The following EZH2 variants were observed in gnomAD, a reference collection of about 807,000 sequenced individuals.
EZH2 encodes the protein enhancer of zeste 2 polycomb repressive complex 2 subunit, also known as histone-lysine N-methyltransferase EZH2.
Under a neutral mutation model 98.4 loss-of-function variants are expected in EZH2, and 18 were observed. That is an observed-to-expected ratio of 0.18 (90% CI 0.13 to 0.27). EZH2 has a LOEUF of 0.27. Among genes scored for constraint, EZH2 ranks in the 10% least tolerant of loss-of-function variants. EZH2 has a pLI of 1.00. For missense variants in EZH2, 470 were observed against 935.1 expected (o/e 0.50, Z 6.49); for synonymous variants, 338 against 312.3 (o/e 1.08, Z -0.87).
At chr7:148,840,296 G>C (rs886519687) in intron 3 of EZH2, among the ~76,000 whole-genome samples, 3 of 152,108 alleles carry the variant, frequency 2.0e-5, no homozygotes, top group Non-Finnish European at 4.4e-5. Context: ...ATCAAGAATG[G>C]GGCAATAAAT....
At chr7:148,880,079 A>G (rs1475704841) in intron 1 of EZH2, among the ~76,000 whole-genome samples, 1 of 152,244 alleles carries the variant, frequency 6.6e-6, no homozygotes, top group African/African-American at 2.4e-5. Flanking sequence ...CTGTCTTGCT[A>G]TTGTTAATGG....
At chr7:148,810,852 C>T (rs1379734932) in intron 16 of EZH2, among the ~76,000 whole-genome samples, 7 of 145,274 alleles carry the variant, frequency 4.8e-5, no homozygotes, top group African/African-American at 1.6e-4. Context: ...GCCAAAATCA[C>T]GCCATTGCAC....
chr7:148,843,207 T>C (rs1812933575), intron 3 of EZH2, among the ~76,000 whole-genome samples: 2 of 110,984 alleles, frequency 1.8e-5, no homozygotes, highest in South Asian at 5.5e-4. Context: ...AAACTCCGTC[T>C]CAAAAAAAAA....
chr7:148,815,578 T>A (rs775909573), intron 12 of EZH2, 32 bp from the exon 13 acceptor site: 2 of 1,607,250 alleles, frequency 1.2e-6, no homozygotes, highest in South Asian at 2.2e-5. Context: ...TAAACCAAAT[T>A]TCTGCGGGAA....
At chr7:148,862,872 C>T (rs956194301) in intron 1 of EZH2, among the ~76,000 whole-genome samples, 6 of 151,956 alleles carry the variant, frequency 3.9e-5, no homozygotes, top group East Asian at 1.9e-4. Flanking sequence ...GCTTTTGCAC[C>T]GTGGGTACAA....
chr7:148,826,349 G>C (rs1203394182), intron 8 of EZH2, 105 bp downstream of exon 8: 2 of 871,476 alleles, frequency 2.3e-6, no homozygotes, highest in Non-Finnish European at 3.1e-6. Context: ...ATTTGTCAAA[G>C]TAACTACAAG....
At position 148,862,456 on chromosome 7, in the gene EZH2, A is replaced by G. The variant is rs35807593; in HGVS notation, c.-7-15151T>C. On this transcript the variant is annotated intron_variant, in intron 1 of 19. Transcript: ENST00000320356. ...TTCCAAAAATTTTAATTTTTGCTTG[A>G]AAGCCCAAATGTTCTCTCTGCCAAC... is the stretch of plus-strand genomic sequence containing the variant. Among the ~76,000 whole-genome samples the G allele has an allele frequency of 7.2e-3, 1,097 of 152,334 alleles. 10 individuals carry two copies. The highest frequency in any genetic ancestry group is 0.01 in the Non-Finnish European group (691 of 68,022).
intron 19 of EZH2, among the ~76,000 whole-genome samples, chr7:148,808,291 G>C (rs943849715): frequency 3.3e-5 from 5 of 152,188 alleles, no homozygotes; most frequent in African/African-American, 1.2e-4. Flanking sequence ...TGCTAAAGTG[G>C]GCCCTTCACT....
chr7:148,873,912 A>G (rs1819825070), intron 1 of EZH2, among the ~76,000 whole-genome samples: 1 of 152,220 alleles, frequency 6.6e-6, no homozygotes, highest in East Asian at 1.9e-4. Context: ...GCAGGAAAGA[A>G]GCTGCTTAAC....
At chr7:148,829,666 T>C in intron 5 of EZH2, 62 bp downstream of exon 5, 1 of 1,574,162 alleles carries the variant, frequency 6.4e-7, no homozygotes. Context: ...ATATGCTTCA[T>C]AAACAAAAGT....
chr7:148,837,703 C>G (rs1811257781), intron 3 of EZH2, among the ~76,000 whole-genome samples: 1 of 152,176 alleles, frequency 6.6e-6, no homozygotes, highest in Admixed American at 6.5e-5. Flanking sequence ...GAAGACGACA[C>G]TTGAAAAGAA....
chr7:148,810,804 G>A (rs1216045884), intron 16 of EZH2, among the ~76,000 whole-genome samples: 12 of 150,878 alleles, frequency 8.0e-5, no homozygotes, highest in African/African-American at 2.4e-4. Context: ...ACTGAGGCAG[G>A]AGAATCGCTT....
At chr7:148,868,401 G>T (rs1053143282) in intron 1 of EZH2, among the ~76,000 whole-genome samples, 2 of 152,182 alleles carry the variant, frequency 1.3e-5, no homozygotes, top group Admixed American at 1.3e-4. Context: ...GATGCAGGGG[G>T]AAGAGAGAGC....
At chr7:148,862,863 C>G (rs1250098363) in intron 1 of EZH2, among the ~76,000 whole-genome samples, 1 of 152,050 alleles carries the variant, frequency 6.6e-6, no homozygotes, top group Non-Finnish European at 1.5e-5. Context: ...TTATTCATTG[C>G]TTTTGCACCG....
intron 19 of EZH2, among the ~76,000 whole-genome samples, chr7:148,808,696 T>G (rs734002): frequency 6.6e-6 from 1 of 151,972 alleles, no homozygotes; most frequent in Non-Finnish European, 1.5e-5. Flanking sequence ...GCATAGTATA[T>G]TGTCAAGTAA....
chr7:148,858,600 C>G (rs926473880), intron 1 of EZH2, among the ~76,000 whole-genome samples: 1 of 152,178 alleles, frequency 6.6e-6, no homozygotes, highest in African/African-American at 2.4e-5. Context: ...TCCCAACTCA[C>G]TGAAGCCTCA....
intron 3 of EZH2, among the ~76,000 whole-genome samples, chr7:148,833,667 T>A (rs1810058392): frequency 1.3e-5 from 2 of 152,266 alleles, no homozygotes; most frequent in Non-Finnish European, 1.5e-5. Context: ...ATTAATAATA[T>A]TAGCTGATTA....
chr7:148,870,595 T>C (rs1012599150), intron 1 of EZH2, among the ~76,000 whole-genome samples: 3 of 150,282 alleles, frequency 2.0e-5, no homozygotes, highest in Admixed American at 1.3e-4. Context: ...CCCAGATACC[T>C]GAGAGGCTGA....
chr7:148,814,217 T>C, intron 14 of EZH2, 80 bp from the exon 15 acceptor site: 1 of 1,311,884 alleles, frequency 7.6e-7, no homozygotes, highest in Non-Finnish European at 1.1e-6. Flanking sequence ...AGGGCTGTAC[T>C]GGGCATCTCA....
Sources: allele counts gnomAD v4.1 joint callset (sites outside exome capture counted in the v4.1 genomes callset), GRCh38; gene constraint gnomAD v4.1.1; transcripts MANE v1.5; gene names NCBI Gene and HGNC (gene_info 2026-07-23, HGNC 2026-07-21).